HACD3: variants seen among roughly 807,000 people sequenced by gnomAD.
HACD3 encodes the protein 3-hydroxyacyl-CoA dehydratase 3, also known as very-long-chain (3R)-3-hydroxyacyl-CoA dehydratase 3.
A neutral mutation model predicts 55.2 loss-of-function variants in HACD3; 30 were observed. The ratio of observed to expected loss-of-function variants is 0.54; its 90% CI spans 0.41 to 0.74. The LOEUF (loss-of-function observed/expected upper bound fraction) is 0.74, where lower values mean the gene tolerates loss of function less well. HACD3 is among the 30% of genes least tolerant of loss of function. The probability of loss-of-function intolerance (pLI) is 0.00; values close to 1 mark genes in which losing one functional copy is unlikely to be tolerated. For synonymous variants in HACD3, 141 were observed against 151.7 expected, an observed-to-expected ratio of 0.93 and a Z score of 0.52; for missense variants, 363 against 440.1, an observed-to-expected ratio of 0.82 and a Z score of 1.57.
At chr15:65,545,918 C>G (rs1360248838) in intron 1 of HACD3, among the ~76,000 whole-genome samples, 4 of 152,228 alleles carry the variant, frequency 2.6e-5, no homozygotes, top group African/African-American at 9.6e-5. Flanking sequence ...TCCAGGCTTA[C>G]TCTTTGTAAG....
At chr15:65,565,696 T>G (rs2072283973) in intron 7 of HACD3, 1 of 152,254 alleles carries the variant, frequency 6.6e-6, no homozygotes, top group African/African-American at 2.4e-5. Context: ...GGGACTGCCA[T>G]GAAGGCCTCT....
chr15:65,564,281 T>C lies in HACD3; in HGVS notation c.599T>C (p.Val200Ala), dbSNP rs1194648291. 1 of 1,613,862 alleles carries C rather than the reference T, an allele frequency of 6.2e-7. No individual in the cohort carries two copies. Among genetic ancestry groups the C allele is most frequent in the Admixed American group, 1.7e-5 (1 of 60,004 alleles). Reference protein sequence around the residue: ...MMYFCQMLAVVETINAAIGVT... With the variant: ...MMYFCQMLAVAETINAAIGVT... ...TATTTCTGCCAGATGCTGGCAGTTG[T>C]GGAAACTATCAATGCAGCAATTGGA... The change falls in exon 7 of 11, where the codon GTG becomes GCG. Residue 200 changes from valine to alanine, a missense_variant. Val to Ala is a moderately conservative substitution (Grantham distance 64). Coordinates refer to ENST00000261875, the MANE Select transcript of HACD3 (RefSeq NM_016395.4).
chr15:65,575,874 T>G (rs1436517166), intron 10 of HACD3, among the ~76,000 whole-genome samples: 1 of 152,144 alleles, frequency 6.6e-6, no homozygotes, highest in Non-Finnish European at 1.5e-5. Flanking sequence ...GGGCAGATCA[T>G]TTGAGGTCAG....
intron 1 of HACD3, among the ~76,000 whole-genome samples, chr15:65,547,217 A>G (rs1488834787): frequency 6.6e-6 from 1 of 152,070 alleles, no homozygotes; most frequent in Admixed American, 6.6e-5. Flanking sequence ...CCTGGGTTCA[A>G]GCAATTCTCC....
At chr15:65,572,132 A>C in intron 9 of HACD3, 103 bp from the exon 10 acceptor site, 1 of 1,461,054 alleles carries the variant, frequency 6.8e-7, no homozygotes, top group Non-Finnish European at 9.4e-7. Context: ...AAGCCTTTCC[A>C]GCACACCCAG....
intron 7 of HACD3, among the ~76,000 whole-genome samples, chr15:65,567,655 TA>T (rs762599294): frequency 6.4e-4 from 98 of 152,334 alleles, no homozygotes; most frequent in Middle Eastern, 3.4e-3. Flanking sequence ...AGTGTTCATC[TA>T]CAGATGAATG....
chr15:65,539,829 CAAAT>C (rs139359711), intron 1 of HACD3, among the ~76,000 whole-genome samples: 130,338 of 151,512 alleles, frequency 0.86, 56,885 homozygotes, highest in East Asian at 0.95. Flanking sequence ...AATATAATAT[CAAAT>C]AAAAAGCAAG....
intron 1 of HACD3, among the ~76,000 whole-genome samples, chr15:65,532,392 G>A (rs1015833832): frequency 2.4e-4 from 36 of 152,122 alleles, no homozygotes; most frequent in African/African-American, 8.2e-4. Flanking sequence ...TTGGGAGGCC[G>A]AGGCGGGAGG....
intron 2 of HACD3, 138 bp from the exon 3 acceptor site, chr15:65,554,749 T>G (rs1416082524): frequency 1.1e-5 from 6 of 546,396 alleles, no homozygotes; most frequent in Non-Finnish European, 1.7e-5. Flanking sequence ...CACTCCAGCC[T>G]GGGCAACAGA....
At chr15:65,562,447 C>T (rs945638205) in intron 5 of HACD3, among the ~76,000 whole-genome samples, 13 of 152,164 alleles carry the variant, frequency 8.5e-5, no homozygotes, top group Non-Finnish European at 1.8e-4. Context: ...AAACCGTTGC[C>T]GAAAACCTAT....
At chr15:65,539,255 T>C (rs2071995203) in intron 1 of HACD3, among the ~76,000 whole-genome samples, 1 of 125,246 alleles carries the variant, frequency 8.0e-6, no homozygotes, top group African/African-American at 3.0e-5. Context: ...AGTCTCACCG[T>C]GTCACCCCAG....
chr15:65,530,603 A>C lies in HACD3; in HGVS notation c.-29A>C. ...TGAGGCAGCGAGGCGCAGCGAGCCTAGCCTCCCCGCGCCCTGGGCAGTGTG... is the reference window on the plus strand; with the variant it reads ...TGAGGCAGCGAGGCGCAGCGAGCCTCGCCTCCCCGCGCCCTGGGCAGTGTG... On this transcript the variant is annotated 5_prime_UTR_variant, in exon 1 of 11. Transcript: ENST00000261875. 6.5e-7 allele frequency: 1 copy of C among 1,549,476 alleles called. No individual in the cohort carries two copies. Among genetic ancestry groups the C allele is most frequent in the Non-Finnish European group, 8.7e-7 (1 of 1,145,698 alleles).
intron 1 of HACD3, among the ~76,000 whole-genome samples, chr15:65,540,430 G>A (rs1241247976): frequency 1.3e-5 from 2 of 152,316 alleles, no homozygotes; most frequent in East Asian, 3.9e-4. Context: ...ATTGGTAGAG[G>A]CTATTTTAAA....
chr15:65,571,464 G>C, intron 8 of HACD3, 84 bp from the exon 9 acceptor site: 2 of 990,716 alleles, frequency 2.0e-6, no homozygotes, highest in Non-Finnish European at 3.1e-6. Context: ...CTGAGAAATA[G>C]AATTCTTCTA....
chr15:65,536,003 T>C (rs352483), intron 1 of HACD3, among the ~76,000 whole-genome samples: 142,801 of 151,992 alleles, frequency 0.94, 67,087 homozygotes, highest in Admixed American at 0.96. Flanking sequence ...ATGTTACTAT[T>C]GTGATTGTTT....
At chr15:65,533,856 C>G (rs754391128) in intron 1 of HACD3, among the ~76,000 whole-genome samples, 1 of 151,690 alleles carries the variant, frequency 6.6e-6, no homozygotes, top group Admixed American at 6.6e-5. Context: ...TCGAGACCAT[C>G]CTGGCTAACA....
At chr15:65,559,897 T>G (rs948968177) in intron 5 of HACD3, among the ~76,000 whole-genome samples, 3 of 152,214 alleles carry the variant, frequency 2.0e-5, no homozygotes, top group Non-Finnish European at 4.4e-5. Flanking sequence ...TTTAACTGTT[T>G]TACCTAAATT....
In HACD3 at chr15:65,564,406, T is replaced by C. The variant is rs1202279918; in HGVS notation, c.660+64T>C. ...TCCCATTATTTGTCTAGTGGGTATG[T>C]GTATTAGTCCATTTTCATGCTGCTC... On this transcript the variant is annotated intron_variant, in intron 7 of 10. Coordinates refer to ENST00000261875, the MANE Select transcript of HACD3 (RefSeq NM_016395.4). 5 of 1,555,378 alleles carry C rather than the reference T, an allele frequency of 3.2e-6. No homozygotes were observed. The African/African-American group carries it at 6.9e-5, about 21-fold the overall frequency.
rs2072333221 is a variant in HACD3, at chr15:65,570,071, CTT to C, written c.661-17_661-16del. 6.7e-7 allele frequency: 1 copy of C among 1,491,438 alleles called. No homozygotes were observed. The highest frequency in any genetic ancestry group is 1.2e-5 in the South Asian group (1 of 83,840). 92.4% of individuals were successfully genotyped at this position (1,491,438 alleles called of 1,614,324 possible). A position where few individuals can be genotyped will look rare whatever the true frequency, so the allele number is the denominator to read the frequency against. ...ATATATTTTATTAACTTTTTTCTCT[CTT>C]TTGGGTCTTTCTAATAGCTTCTTGG... On this transcript the variant is annotated intron_variant, in intron 7 of 10. Coordinates refer to ENST00000261875, the MANE Select transcript of HACD3 (RefSeq NM_016395.4).
Sources: gnomAD v4.1 joint callset for allele counts (sites outside exome capture counted in the v4.1 genomes callset) on GRCh38, gnomAD v4.1.1 for gene constraint, MANE v1.5 for transcripts, NCBI Gene and HGNC (gene_info 2026-07-23, HGNC 2026-07-21) for gene names.